The following SLF2 variants were observed in gnomAD, a reference collection of about 807,000 sequenced individuals.
SLF2 encodes the protein SMC5/6 complex localization factor 2, also known as SMC5-SMC6 complex localization factor protein 2.
Under a neutral mutation model 124.3 loss-of-function variants are expected in SLF2, and 68 were observed. That is an observed-to-expected ratio of 0.55 (90% CI 0.45 to 0.67). SLF2 has a LOEUF of 0.67. Among genes scored for constraint, SLF2 ranks in the 30% least tolerant of loss-of-function variants. The pLI, the probability that SLF2 is intolerant of heterozygous loss-of-function variation, is 0.00. For synonymous variants in SLF2, 480 were observed against 478.8 expected (o/e 1.00, Z -0.03); for missense variants, 1,246 against 1,373.7 (o/e 0.91, Z 1.47).
chr10:100,949,224 A>C (rs1053959262), intron 15 of SLF2, among the ~76,000 whole-genome samples: 1 of 152,224 alleles, frequency 6.6e-6, no homozygotes, highest in Non-Finnish European at 1.5e-5. Flanking sequence ...GATAGTTCTC[A>C]TTCCTTTCAT....
At chr10:100,928,068 C>CAGAGAGAGAGA (rs1491324670) in intron 6 of SLF2, among the ~76,000 whole-genome samples, 1 of 59,534 alleles carries the variant, frequency 1.7e-5, no homozygotes, top group African/African-American at 5.6e-5. Context: ...CACACACACA[C>CAGAGAGAGAGA]GAGAGAGAGA....
In SLF2 at chr10:100,952,339, C is replaced by T. The variant is rs369262222; in HGVS notation, c.3330+1586C>T. ...GGCGGATCACTTGAGGTCAGAAGTT[C>T]GAGACCAGCCTGGCCAACATGATGA... is the stretch of plus-strand genomic sequence containing the variant. On this transcript the variant is annotated intron_variant, in intron 17 of 19. Coordinates refer to ENST00000238961, the MANE Select transcript of SLF2 (RefSeq NM_018121.4). Among the ~76,000 whole-genome samples, 12 of 151,034 alleles carry T rather than the reference C, an allele frequency of 7.9e-5. No individual in the cohort carries two copies. The South Asian group carries it at 1.0e-3, about 13-fold the overall frequency.
At chr10:100,920,541 A>G (rs565974296) in intron 4 of SLF2, among the ~76,000 whole-genome samples, 29 of 152,370 alleles carry the variant, frequency 1.9e-4, no homozygotes, top group African/African-American at 6.5e-4. Flanking sequence ...CTCTTAATAA[A>G]TATACATTTA....
intron 11 of SLF2, among the ~76,000 whole-genome samples, chr10:100,939,210 G>A (rs1849921651): frequency 6.6e-6 from 1 of 152,180 alleles, no homozygotes; most frequent in Non-Finnish European, 1.5e-5. Context: ...TCAAATATCT[G>A]AAGTGTAACT....
In SLF2 at chr10:100,962,009, A is replaced by G; in HGVS notation, c.*97A>G. The G allele has an allele frequency of 8.7e-7, 1 of 1,143,716 alleles. No homozygotes were observed. The highest frequency in any genetic ancestry group is 1.3e-6 in the Non-Finnish European group (1 of 799,574). The allele number at this position is 1,143,716 out of a possible 1,614,324, so 70.8% of individuals were successfully genotyped here. A position where few individuals can be genotyped will look rare whatever the true frequency, so the allele number is the denominator to read the frequency against. On this transcript the variant is annotated 3_prime_UTR_variant, in exon 20 of 20. Transcript: ENST00000238961. ...ATTATTACAGAATCCAATGAATGCC[A>G]AGAAAATGTACAGCAAATGTGCCAC...
intron 15 of SLF2, 51 bp from the exon 16 acceptor site, chr10:100,950,025 G>A (rs777265831): frequency 6.8e-7 from 1 of 1,467,908 alleles, no homozygotes; most frequent in Non-Finnish European, 9.1e-7. Context: ...GCCTAAGAAA[G>A]AACAACTATA....
Position 100,913,028 on chromosome 10 carries a change from C to T in SLF2, c.-83C>T. ...CCGCCCACCTCTGCTCCGACAGCCT[C>T]CCGGAGTCCCAGCAGCAAGACGGCA... is the stretch of plus-strand genomic sequence containing the variant. On this transcript the variant is annotated 5_prime_UTR_variant, in exon 1 of 20. Coordinates refer to ENST00000238961, the MANE Select transcript of SLF2 (RefSeq NM_018121.4). 1 of 1,496,236 alleles carries T rather than the reference C, an allele frequency of 6.7e-7. No homozygotes were observed. Among genetic ancestry groups the T allele is most frequent in the Non-Finnish European group, 9.1e-7 (1 of 1,094,528 alleles). 92.7% of individuals were successfully genotyped at this position (1,496,236 alleles called of 1,614,324 possible).
At chr10:100,932,692 AGTGTGTGT>A (rs111530755) in intron 9 of SLF2, among the ~76,000 whole-genome samples, 1,879 of 133,600 alleles carry the variant, frequency 0.014, 22 homozygotes, top group East Asian at 0.038. Context: ...ACAAACAATA[AGTGTGTGT>A]GTGTGTGTGT....
chr10:100,962,782 T>C lies in SLF2; in HGVS notation c.*870T>C, dbSNP rs1041912263. 1.0e-4 allele frequency: 16 copies of C among 152,736 alleles called. No individual in the cohort carries two copies. Among genetic ancestry groups the C allele is most frequent in the African/African-American group, 3.6e-4 (15 of 41,568 alleles). 9.5% of individuals were successfully genotyped at this position (152,736 alleles called of 1,614,324 possible). On this transcript the variant is annotated 3_prime_UTR_variant, in exon 20 of 20. Coordinates refer to ENST00000238961, the MANE Select transcript of SLF2 (RefSeq NM_018121.4). ...TCTGGACAAGTTTCCAACAACCTTG[T>C]TTCCATGAGTATATAATTTTGGCAG...
Position 100,913,180 on chromosome 10 carries a change from C to T in SLF2, c.70C>T (p.Arg24Cys). Residue 24 changes from arginine (R) to cysteine (C), a missense_variant, in exon 1 of 20, where the codon CGC becomes TGC. Arg to Cys is a radical substitution (Grantham distance 180, BLOSUM62 -3). Around this residue, in one of 3 missense-constraint regions of SLF2, gnomAD observed 698 missense variants for 708.9 expected, o/e 0.98. Coordinates refer to ENST00000238961, the MANE Select transcript of SLF2 (RefSeq NM_018121.4). ...SSPAPGSSPP[R>C]CHLRPGSTAH... Reference sequence around the variant, plus strand: ...CCCAGCCCCGGGGTCGTCGCCCCCGCGCTGCCATCTGAGACCCGGTAGTAC... The same window carrying T: ...CCCAGCCCCGGGGTCGTCGCCCCCGTGCTGCCATCTGAGACCCGGTAGTAC... 1 of 1,613,382 alleles carries T rather than the reference C, an allele frequency of 6.2e-7. No individual in the cohort carries two copies. The highest frequency in any genetic ancestry group is 8.5e-7 in the Non-Finnish European group (1 of 1,179,738).
In SLF2 at chr10:100,938,656, G is replaced by C; in HGVS notation, c.2574G>C (p.Val858=). 6.2e-7 allele frequency: 1 copy of C among 1,613,344 alleles called. No individual in the cohort carries two copies. The highest frequency in any genetic ancestry group is 8.5e-7 in the Non-Finnish European group (1 of 1,179,736). ...WIPSLSDVAA[V]FFNMGIDFRS... Reference sequence around the variant, plus strand: ...CATCATTGTCTGATGTAGCAGCTGTGTTTTTCAATATGGGGATTGATTTTA... The same window carrying C: ...CATCATTGTCTGATGTAGCAGCTGTCTTTTTCAATATGGGGATTGATTTTA... Residue 858 remains valine (V), a synonymous_variant, in exon 11 of 20, where the codon GTG becomes GTC. Transcript: ENST00000238961.
intron 5 of SLF2, 139 bp downstream of exon 5, chr10:100,925,111 G>T: frequency 2.1e-6 from 2 of 974,938 alleles, no homozygotes; most frequent in Non-Finnish European, 2.9e-6. Flanking sequence ...AATAATTCTT[G>T]TTTGGTAAAT....
At chr10:100,956,331 C>G in intron 17 of SLF2, 120 bp from the exon 18 acceptor site, 1 of 678,350 alleles carries the variant, frequency 1.5e-6, no homozygotes, top group Non-Finnish European at 2.5e-6. Flanking sequence ...TAGTTAATAT[C>G]AGTCATTGCT....
Position 100,924,326 on chromosome 10 carries a change from C to G in SLF2, c.1325C>G (p.Pro442Arg). ...KETKMQKPHL[P>R]LSQEKSAIKK... ...ACTAAGATGCAGAAACCCCACTTACCTTTATCTCAGGAAAAGTCTGCAATT... is the reference window on the plus strand; with the variant it reads ...ACTAAGATGCAGAAACCCCACTTACGTTTATCTCAGGAAAAGTCTGCAATT... The change falls in exon 5 of 20, where the codon CCT becomes CGT. Residue 442 changes from proline to arginine, a missense_variant. By Grantham distance (103) the Pro-to-Arg change is moderately radical (BLOSUM62 -2). This residue lies in a region of SLF2 where 698 missense variants were observed against 708.9 expected (regional missense o/e 0.98). Coordinates refer to ENST00000238961, the MANE Select transcript of SLF2 (RefSeq NM_018121.4). 6.2e-7 allele frequency: 1 copy of G among 1,614,074 alleles called. No homozygotes were observed. The highest frequency in any genetic ancestry group is 8.5e-7 in the Non-Finnish European group (1 of 1,180,014).
At chr10:100,915,150 T>A (rs541743443) in intron 1 of SLF2, among the ~76,000 whole-genome samples, 1 of 152,326 alleles carries the variant, frequency 6.6e-6, no homozygotes, top group South Asian at 2.1e-4. Context: ...AATCCAGTCT[T>A]TACGGTACAG....
At chr10:100,954,376 C>G (rs1850285242) in intron 17 of SLF2, among the ~76,000 whole-genome samples, 1 of 152,110 alleles carries the variant, frequency 6.6e-6, no homozygotes, top group Non-Finnish European at 1.5e-5. Context: ...TATGAACATG[C>G]TTATTCATAT....
chr10:100,956,617 C>A, intron 18 of SLF2, 80 bp downstream of exon 18: 1 of 1,039,406 alleles, frequency 9.6e-7, no homozygotes, highest in Non-Finnish European at 1.4e-6. Flanking sequence ...AGCATACAGG[C>A]CTATATTCAG....
chr10:100,940,368 GTGTT>G (rs1200728905), intron 11 of SLF2, among the ~76,000 whole-genome samples: 2 of 152,148 alleles, frequency 1.3e-5, no homozygotes, highest in African/African-American at 2.4e-5. Flanking sequence ...GTGTGTGTGT[GTGTT>G]TGTTTGAGAC....
In SLF2 at chr10:100,944,082, CA is replaced by C. The variant is rs751576908; in HGVS notation, c.2713del (p.Ile905PhefsTer11). On this transcript the variant is annotated frameshift_variant, in exon 12 of 20. Coordinates refer to ENST00000238961, the MANE Select transcript of SLF2 (RefSeq NM_018121.4). LOFTEE classifies it high-confidence loss of function. ...GAAAGTGAAGATTCATCTTATAAGC[CA>C]ATTTTTTCAACACTTCCTGAAACCA... is the stretch of plus-strand genomic sequence containing the variant. The part of the protein sequence containing the change: ...GKESEDSSYK[P>X]IFSTLPETNI... 1.2e-6 allele frequency: 2 copies of C among 1,612,552 alleles called. No homozygotes were observed. Among genetic ancestry groups the C allele is most frequent in the Non-Finnish European group, 8.5e-7 (1 of 1,179,472 alleles).
Sources: allele counts gnomAD v4.1 joint callset (sites outside exome capture counted in the v4.1 genomes callset), GRCh38; gene constraint gnomAD v4.1.1; regional missense constraint gnomAD v4.1.1; transcripts MANE v1.5; gene names NCBI Gene and HGNC (gene_info 2026-07-23, HGNC 2026-07-21).